UQCRQ: variants seen among roughly 807,000 people sequenced by gnomAD.
The protein encoded by UQCRQ is ubiquinol-cytochrome c reductase complex III subunit VII.
Under a neutral mutation model 7.9 loss-of-function variants are expected in UQCRQ, and 9 were observed. The observed-to-expected ratio is 1.13, with a 90% CI of 0.68 to 1.98. The LOEUF is 1.98. Ranked by LOEUF, UQCRQ falls within the 30% of genes most tolerant of loss-of-function variation. UQCRQ has a pLI of 0.00. For missense variants in UQCRQ, 112 were observed against 109.7 expected (o/e 1.02, Z -0.10); for synonymous variants, 50 against 41.9 (o/e 1.19, Z -0.75).
In UQCRQ at chr5:132,868,768, T is replaced by C. The variant is rs1230220466; in HGVS notation, c.*1186T>C. ...TGTTTCTGTGCCAGGAGGCCAACAATGTTTTCAACCATATGTGGTTCATAA... is the reference window on the plus strand; with the variant it reads ...TGTTTCTGTGCCAGGAGGCCAACAACGTTTTCAACCATATGTGGTTCATAA... On this transcript the variant is annotated 3_prime_UTR_variant, in exon 3 of 3. Coordinates refer to ENST00000378670, the MANE Select transcript of UQCRQ (RefSeq NM_014402.5). Among the ~76,000 whole-genome samples, 1 of 152,122 alleles carries C rather than the reference T, an allele frequency of 6.6e-6. No individual in the cohort carries two copies. Among genetic ancestry groups the C allele is most frequent in the Admixed American group, 6.5e-5 (1 of 15,282 alleles).
chr5:132,868,721 C>T lies in UQCRQ; in HGVS notation c.*1139C>T, dbSNP rs929597430. 7.3e-5 allele frequency among the ~76,000 whole-genome samples: 11 copies of T among 150,876 alleles called. No individual in the cohort carries two copies. The highest frequency in any genetic ancestry group is 2.2e-4 in the African/African-American group (9 of 41,098). ...AGCTATAAAACGGATGAGGTGATCT[C>T]TTAGCCTCCACAGCAGTTTTCTGTT... is the stretch of plus-strand genomic sequence containing the variant. On this transcript the variant is annotated 3_prime_UTR_variant, in exon 3 of 3. Transcript: ENST00000378670.
chr5:132,866,689 T>C lies in UQCRQ; in HGVS notation c.-14+2T>C. On this transcript the variant is annotated splice_donor_variant, in intron 1 of 2. Transcript: ENST00000378670. LOFTEE classifies it low-confidence loss of function (5UTR_SPLICE). The stretch of plus-strand genomic sequence containing the variant: ...ACTGTGGAGGGCGAGCTGAGCCCTG[T>C]GCGTGAGTGGGGTCTGGTTGTGCAG... 4 of 665,552 alleles carry C rather than the reference T, an allele frequency of 6.0e-6. No homozygotes were observed. The highest frequency in any genetic ancestry group is 1.0e-5 in the Non-Finnish European group (4 of 394,250). 41.2% of individuals were successfully genotyped at this position (665,552 alleles called of 1,614,324 possible). A position where few individuals can be genotyped will look rare whatever the true frequency, so the allele number is the denominator to read the frequency against.
chr5:132,867,296 T>A, intron 2 of UQCRQ, 192 bp from the exon 3 acceptor site: 1 of 696,782 alleles, frequency 1.4e-6, no homozygotes, highest in South Asian at 1.8e-5. Flanking sequence ...AGGTCACCTT[T>A]ATTTAGTTCT....
rs1759668956 is a variant in UQCRQ, at chr5:132,867,568, G to A, written c.235G>A (p.Glu79Lys). ...RSKRKNPAAY[E>K]NDK ...CAAGAGGAAGAATCCAGCTGCCTAT[G>A]AAAATGACAAATGAGCAACGCATCC... Residue 79 changes from glutamate (E) to lysine (K), a missense_variant, in exon 3 of 3, where the codon GAA becomes AAA. Physicochemically the swap from Glu to Lys is moderately conservative, Grantham distance 56. Coordinates refer to ENST00000378670, the MANE Select transcript of UQCRQ (RefSeq NM_014402.5). The A allele has an allele frequency of 2.5e-6, 4 of 1,614,148 alleles. No individual in the cohort carries two copies. The highest frequency in any genetic ancestry group is 3.4e-6 in the Non-Finnish European group (4 of 1,179,982).
At chr5:132,867,060 C>T (rs372277135) in intron 2 of UQCRQ, 25 bp downstream of exon 2, 55 of 1,612,730 alleles carry the variant, frequency 3.4e-5, no homozygotes, top group Non-Finnish European at 4.2e-5. Flanking sequence ...CCCGCGGGAG[C>T]GGGAGGCTGG....
intron 1 of UQCRQ, 81 bp from the exon 2 acceptor site, chr5:132,866,788 T>C: frequency 4.5e-6 from 7 of 1,555,256 alleles, no homozygotes; most frequent in Non-Finnish European, 6.1e-6. Context: ...GGCAGGAGTC[T>C]GGGGTTGGGG....
Position 132,868,761 on chromosome 5 carries a change from C to A in UQCRQ, c.*1179C>A, listed in dbSNP as rs546702431. 6.6e-6 allele frequency among the ~76,000 whole-genome samples: 1 copy of A among 152,184 alleles called. No individual in the cohort carries two copies. Among genetic ancestry groups the A allele is most frequent in the East Asian group, 1.9e-4 (1 of 5,180 alleles). On this transcript the variant is annotated 3_prime_UTR_variant, in exon 3 of 3. Coordinates refer to ENST00000378670, the MANE Select transcript of UQCRQ (RefSeq NM_014402.5). Reference sequence around the variant, plus strand: ...AGTTTTCTGTTTCTGTGCCAGGAGGCCAACAATGTTTTCAACCATATGTGG... The same window carrying A: ...AGTTTTCTGTTTCTGTGCCAGGAGGACAACAATGTTTTCAACCATATGTGG...
At position 132,868,554 on chromosome 5, in the gene UQCRQ, C is replaced by T. The variant is rs942946759; in HGVS notation, c.*972C>T. On this transcript the variant is annotated 3_prime_UTR_variant, in exon 3 of 3. Transcript: ENST00000378670. ...AGCTTTAAAAAATGGCAAAAAAAAC[C>T]CTCAGCGTTTTAGAAAGTTTACAAA... Among the ~76,000 whole-genome samples, 1 of 152,090 alleles carries T rather than the reference C, an allele frequency of 6.6e-6. No homozygotes were observed. The highest frequency in any genetic ancestry group is 2.1e-4 in the South Asian group (1 of 4,816).
rs1759624407 is a variant in UQCRQ, at chr5:132,866,653, C to A, written c.-48C>A. On this transcript the variant is annotated 5_prime_UTR_variant, in exon 1 of 3. Coordinates refer to ENST00000378670, the MANE Select transcript of UQCRQ (RefSeq NM_014402.5). ...TTGCCGGAAATGACGAACGAGTCAA[C>A]CGGATCGGTGACTGTGGAGGGCGAG... 5 of 600,260 alleles carry A rather than the reference C, an allele frequency of 8.3e-6. No homozygotes were observed. In the East Asian group the frequency reaches 1.4e-4, roughly 17 times the overall value. The allele number at this position is 600,260 out of a possible 1,614,324, so 37.2% of individuals were successfully genotyped here.
Position 132,866,980 on chromosome 5 carries a change from AG to A in UQCRQ, c.101del (p.Gly34GlufsTer21). 1 of 1,614,108 alleles carries A rather than the reference AG, an allele frequency of 6.2e-7. No homozygotes were observed. On this transcript the variant is annotated frameshift_variant, in exon 2 of 3. Coordinates refer to ENST00000378670, the MANE Select transcript of UQCRQ (RefSeq NM_014402.5). LOFTEE classifies it high-confidence loss of function. The part of the protein sequence containing the change: ...QRAYPHVFTK[G>X]IPNVLRRIRE... ...GCGCCTATCCGCACGTCTTCACTAA[AG>A]GAATCCCCAATGTTCTGCGCCGCAT...
chr5:132,866,861 T>C lies in UQCRQ; in HGVS notation c.-13-8T>C. The C allele has an allele frequency of 6.2e-7, 1 of 1,612,370 alleles. No homozygotes were observed. The highest frequency in any genetic ancestry group is 8.5e-7 in the Non-Finnish European group (1 of 1,179,912). On this transcript the variant is annotated splice_polypyrimidine_tract_variant and splice_region_variant and intron_variant, in intron 1 of 2. Transcript: ENST00000378670. The stretch of plus-strand genomic sequence containing the variant: ...GAGCCAAGCGCCTGTCCACCCTCGG[T>C]CCTGCAGGGCCGCCGCCACAATGGG...
chr5:132,866,684 C>T lies in UQCRQ; in HGVS notation c.-17C>T, dbSNP rs980811899. On this transcript the variant is annotated 5_prime_UTR_variant, in exon 1 of 3. Coordinates refer to ENST00000378670, the MANE Select transcript of UQCRQ (RefSeq NM_014402.5). ...CGGTGACTGTGGAGGGCGAGCTGAG[C>T]CCTGTGCGTGAGTGGGGTCTGGTTG... is the stretch of plus-strand genomic sequence containing the variant. 44 of 652,378 alleles carry T rather than the reference C, an allele frequency of 6.7e-5. No homozygotes were observed. The highest frequency in any genetic ancestry group is 1.1e-4 in the East Asian group (4 of 36,352). The allele number at this position is 652,378 out of a possible 1,614,324, so 40.4% of individuals were successfully genotyped here.
In UQCRQ at chr5:132,867,794, G is replaced by T. The variant is rs1016709008; in HGVS notation, c.*212G>T. ...GAGTCTTGAAGTTTTGCCTGGTCTC[G>T]GGTTTTGGTGAAAGAGCAGGGCTCC... On this transcript the variant is annotated 3_prime_UTR_variant, in exon 3 of 3. Coordinates refer to ENST00000378670, the MANE Select transcript of UQCRQ (RefSeq NM_014402.5). 1.2e-5 allele frequency: 7 copies of T among 564,442 alleles called. No individual in the cohort carries two copies. Among genetic ancestry groups the T allele is most frequent in the Non-Finnish European group, 1.9e-5 (6 of 314,936 alleles). 35.0% of individuals were successfully genotyped at this position (564,442 alleles called of 1,614,324 possible).
rs1331544556 is a variant in UQCRQ, at chr5:132,866,858, C to A, written c.-13-11C>A. ...AGCGAGCCAAGCGCCTGTCCACCCT[C>A]GGTCCTGCAGGGCCGCCGCCACAAT... On this transcript the variant is annotated splice_polypyrimidine_tract_variant and intron_variant, in intron 1 of 2. Coordinates refer to ENST00000378670, the MANE Select transcript of UQCRQ (RefSeq NM_014402.5). 1 of 1,611,874 alleles carries A rather than the reference C, an allele frequency of 6.2e-7. No homozygotes were observed. Among genetic ancestry groups the A allele is most frequent in the East Asian group, 2.2e-5 (1 of 44,888 alleles).
intron 2 of UQCRQ, 76 bp downstream of exon 2, chr5:132,867,111 C>A (rs1204823058): frequency 6.3e-7 from 1 of 1,589,430 alleles, no homozygotes; most frequent in Admixed American, 1.7e-5. Context: ...CCCCTCTGAG[C>A]GCTGGCGGCC....
In UQCRQ at chr5:132,867,604, T is replaced by C. The variant is rs879540031; in HGVS notation, c.*22T>C. On this transcript the variant is annotated 3_prime_UTR_variant, in exon 3 of 3. Transcript: ENST00000378670. ...ATGAGCAACGCATCCGGATGACGGT[T>C]CCCTGTCTCTGAAAGACCTTTCTCT... 4 of 1,600,244 alleles carry C rather than the reference T, an allele frequency of 2.5e-6. No individual in the cohort carries two copies. Among genetic ancestry groups the C allele is most frequent in the Non-Finnish European group, 3.4e-6 (4 of 1,168,014 alleles).
chr5:132,868,195 G>C lies in UQCRQ; in HGVS notation c.*613G>C, dbSNP rs1440960020. 6.6e-6 allele frequency among the ~76,000 whole-genome samples: 1 copy of C among 152,182 alleles called. No individual in the cohort carries two copies. Among genetic ancestry groups the C allele is most frequent in the Non-Finnish European group, 1.5e-5 (1 of 68,036 alleles). On this transcript the variant is annotated 3_prime_UTR_variant, in exon 3 of 3. Transcript: ENST00000378670. The stretch of plus-strand genomic sequence containing the variant: ...AGGTTTCACCATGTTGGCCAGGCTG[G>C]TCTGGAACTCCTGACCTCAGATGAT...
intron 2 of UQCRQ, chr5:132,867,281 C>T: frequency 1.4e-6 from 1 of 696,876 alleles, no homozygotes; most frequent in East Asian, 2.7e-5. Context: ...CAGCATGTTC[C>T]TCTGAGGTCA....
chr5:132,867,517 T>TGG lies in UQCRQ; in HGVS notation c.188_189dup (p.Thr64GlyfsTer32). 1 of 1,614,112 alleles carries TGG rather than the reference T, an allele frequency of 6.2e-7. No individual in the cohort carries two copies. The highest frequency in any genetic ancestry group is 8.5e-7 in the Non-Finnish European group (1 of 1,179,974). On this transcript the variant is annotated frameshift_variant, in exon 3 of 3. Transcript: ENST00000378670. LOFTEE classifies it high-confidence loss of function. ...TGTAGTGTTTTATCTTATCTACACATGGGGGACTGAAGAGTTCGAGAGATC... is the reference window on the plus strand; with the variant it reads ...TGTAGTGTTTTATCTTATCTACACATGGGGGGGACTGAAGAGTTCGAGAGATC...
Sources: allele counts gnomAD v4.1 joint callset (sites outside exome capture counted in the v4.1 genomes callset), GRCh38; gene constraint gnomAD v4.1.1; transcripts MANE v1.5; gene names NCBI Gene and HGNC (gene_info 2026-07-23, HGNC 2026-07-21).